The following ENOSF1 variants were observed in gnomAD, a reference collection of about 807,000 sequenced individuals.
The protein encoded by ENOSF1 is enolase superfamily member 1, also known as mitochondrial enolase superfamily member 1.
A neutral mutation model predicts 68.2 loss-of-function variants in ENOSF1; 73 were observed. The ratio of observed to expected loss-of-function variants is 1.07; its 90% CI spans 0.89 to 1.30. ENOSF1 has a LOEUF of 1.30. Ranked by LOEUF, ENOSF1 falls within the 50% of genes most tolerant of loss-of-function variation. The probability of loss-of-function intolerance (pLI) is 0.00; values close to 1 mark genes in which losing one functional copy is unlikely to be tolerated. For missense variants in ENOSF1, 589 were observed against 554.5 expected (o/e 1.06, Z -0.62); for synonymous variants, 223 against 210.4 (o/e 1.06, Z -0.52).
Position 671,351 on chromosome 18 carries a change from C to A in ENOSF1, c.*2954G>T, listed in dbSNP as rs779270127. 20 of 1,429,304 alleles carry A rather than the reference C, an allele frequency of 1.4e-5. No individual in the cohort carries two copies. Among genetic ancestry groups the A allele is most frequent in the Non-Finnish European group, 1.8e-5 (18 of 1,011,712 alleles). The allele number at this position is 1,429,304 out of a possible 1,614,324, so 88.5% of individuals were successfully genotyped here. On this transcript the variant is annotated 3_prime_UTR_variant, in exon 16 of 16. Coordinates refer to ENST00000647584, the MANE Select transcript of ENOSF1 (RefSeq NM_017512.7). ...GTTTTAAAGAATTGAAACTAACATA[C>A]TGTTCTGCTTTCTCCCCCGGGTTTA...
Position 701,642 on chromosome 18 carries a change from A to G in ENOSF1, c.194-4287T>C, listed in dbSNP as rs1472305587. On this transcript the variant is annotated intron_variant, in intron 2 of 15. Coordinates refer to ENST00000647584, the MANE Select transcript of ENOSF1 (RefSeq NM_017512.7). ...GCGTGGTGGCAGGTGCCTGTAGTCC[A>G]GCTACTGGAGAGGCTGAGGCAGGAG... Among the ~76,000 whole-genome samples the G allele has an allele frequency of 2.0e-5, 3 of 151,894 alleles. No individual in the cohort carries two copies. The East Asian group carries it at 5.8e-4, about 29-fold the overall frequency.
chr18:665,415 A>C (rs1349340771), downstream of ENOSF1, among the ~76,000 whole-genome samples: 2 of 150,702 alleles, frequency 1.3e-5, no homozygotes, highest in South Asian at 4.2e-4. Context: ...CTTTTTCTTT[A>C]TTAGTCTTGC....
intron 5 of ENOSF1, chr18:693,268 G>A: frequency 3.9e-6 from 5 of 1,286,470 alleles, no homozygotes; most frequent in Non-Finnish European, 5.1e-6. Context: ...TTGTACAGTA[G>A]AGGCTACAAT....
At position 691,096 on chromosome 18, in the gene ENOSF1, C is replaced by T. The variant is rs919567605; in HGVS notation, c.507G>A (p.Gln169=). 1 of 1,614,224 alleles carries T rather than the reference C, an allele frequency of 6.2e-7. No individual in the cohort carries two copies. The highest frequency in any genetic ancestry group is 1.3e-5 in the African/African-American group (1 of 75,058). ...LTEEDALEIL[Q]KGQIGKKERE... is the part of the protein sequence containing the mutation. ...TTTCTTTTTTACCAATTTGACCTTT[C>T]TGCAGTATTTCTGGAAGAAATAAAA... The change falls in exon 7 of 16, where the codon CAG becomes CAA. Residue 169 remains glutamine, a synonymous_variant. Coordinates refer to ENST00000647584, the MANE Select transcript of ENOSF1 (RefSeq NM_017512.7).
downstream of ENOSF1, among the ~76,000 whole-genome samples, chr18:668,118 G>C (rs2074892597): frequency 1.3e-5 from 2 of 150,928 alleles, no homozygotes. Context: ...AGAGTTGTCA[G>C]ATTTTGCTAG....
intron 10 of ENOSF1, among the ~76,000 whole-genome samples, chr18:684,864 AT>A (rs60666075): frequency 0.17 from 24,775 of 147,068 alleles, 4,034 homozygotes; most frequent in African/African-American, 0.43. Context: ...CTCAGAATGG[AT>A]TTTTTTTTTT....
intron 7 of ENOSF1, 84 bp downstream of exon 7, chr18:690,980 GAAGA>G: frequency 6.9e-7 from 1 of 1,458,246 alleles, no homozygotes; most frequent in Admixed American, 1.7e-5. Flanking sequence ...GGGCATTTGG[GAAGA>G]CAATGTGTAC....
At chr18:684,254 C>G (rs1350836928) in intron 10 of ENOSF1, among the ~76,000 whole-genome samples, 3 of 152,096 alleles carry the variant, frequency 2.0e-5, no homozygotes, top group Non-Finnish European at 4.4e-5. Flanking sequence ...CTCGGCCTCC[C>G]AAAGTGCTGG....
intron 10 of ENOSF1, among the ~76,000 whole-genome samples, chr18:685,158 G>C (rs2847156): frequency 0.24 from 36,794 of 151,800 alleles, 4,696 homozygotes; most frequent in African/African-American, 0.28. Context: ...GCCATATAAT[G>C]CTAACACTTT....
downstream of ENOSF1, among the ~76,000 whole-genome samples, chr18:668,198 C>G (rs1182436443): frequency 6.6e-6 from 1 of 151,828 alleles, no homozygotes; most frequent in African/African-American, 2.4e-5. Flanking sequence ...CCACTACAAT[C>G]AAGTTACAGA....
intron 10 of ENOSF1, among the ~76,000 whole-genome samples, chr18:683,923 C>G (rs1177868374): frequency 6.6e-6 from 1 of 151,932 alleles, no homozygotes; most frequent in Non-Finnish European, 1.5e-5. Context: ...TTTATAATAA[C>G]TGGCCAGGCA....
intron 15 of ENOSF1, among the ~76,000 whole-genome samples, chr18:674,764 C>T (rs977530601): frequency 1.3e-5 from 2 of 152,230 alleles, no homozygotes; most frequent in Non-Finnish European, 2.9e-5. Flanking sequence ...AAATGATCCA[C>T]CTGCCTCAGC....
rs201649507 is a variant in ENOSF1 at position 706,626 on chromosome 18, C to T, written c.85-48G>A. 26 of 1,370,862 alleles carry T rather than the reference C, an allele frequency of 1.9e-5. No homozygotes were observed. In the East Asian group the frequency reaches 4.1e-4, roughly 22 times the overall value. 84.9% of individuals were successfully genotyped at this position (1,370,862 alleles called of 1,614,324 possible). ...CGAAACAATGCCAGTGTGAGAAACC[C>T]GAAAAGAACCATGAGAATGATGTCA... is the stretch of plus-strand genomic sequence containing the variant. On this transcript the variant is annotated intron_variant, in intron 1 of 15. Transcript: ENST00000647584.
rs920134553 is a variant in ENOSF1 at position 675,581 on chromosome 18, TA to T, written c.1149-180del. ...CTCTGTGCCTCAGGTCCTTTTCTTC[TA>T]AAATATAGCAATGTGAGGTGGGGAC... On this transcript the variant is annotated intron_variant, in intron 14 of 15. Coordinates refer to ENST00000647584, the MANE Select transcript of ENOSF1 (RefSeq NM_017512.7). 20 of 599,900 alleles carry T rather than the reference TA, an allele frequency of 3.3e-5. No homozygotes were observed. In the African/African-American group the frequency reaches 3.5e-4, roughly 11 times the overall value. The allele number at this position is 599,900 out of a possible 1,614,324, so 37.2% of individuals were successfully genotyped here. A position where few individuals can be genotyped will look rare whatever the true frequency, so the allele number is the denominator to read the frequency against.
intron 11 of ENOSF1, among the ~76,000 whole-genome samples, chr18:680,139 C>G (rs2075924126): frequency 6.6e-6 from 1 of 152,302 alleles, no homozygotes; most frequent in South Asian, 2.1e-4. Flanking sequence ...GCAGAAAAAT[C>G]CCTTCACTCA....
chr18:688,277 TG>T (rs2076820057), intron 9 of ENOSF1: 2 of 342,822 alleles, frequency 5.8e-6, no homozygotes, highest in Admixed American at 8.4e-5. Flanking sequence ...ATGCAGAAAC[TG>T]AATCAACGCT....
downstream of ENOSF1, among the ~76,000 whole-genome samples, chr18:666,056 T>G (rs1321875009): frequency 1.0e-5 from 1 of 98,476 alleles, no homozygotes; most frequent in Non-Finnish European, 1.9e-5. Flanking sequence ...CTGAGTTCAA[T>G]TCCTGGGTAT....
At chr18:698,995 C>G (rs1310979361) in intron 2 of ENOSF1, among the ~76,000 whole-genome samples, 1 of 152,118 alleles carries the variant, frequency 6.6e-6, no homozygotes, top group Admixed American at 6.5e-5. Context: ...AGGACCTACA[C>G]GCAACACCAC....
chr18:707,024 G>A (rs2079021042), intron 1 of ENOSF1, among the ~76,000 whole-genome samples: 1 of 151,644 alleles, frequency 6.6e-6, no homozygotes, highest in Non-Finnish European at 1.5e-5. Flanking sequence ...TCACCATGTT[G>A]GCCAGGCTGG....
Sources: allele counts gnomAD v4.1 joint callset (sites outside exome capture counted in the v4.1 genomes callset), GRCh38; gene constraint gnomAD v4.1.1; transcripts MANE v1.5; gene names NCBI Gene and HGNC (gene_info 2026-07-23, HGNC 2026-07-21).